The following TMEM86B variants were observed in gnomAD, a reference collection of about 807,000 sequenced individuals.
TMEM86B encodes lysoplasmalogenase TMEM86B.
In TMEM86B, 15 loss-of-function variants were observed where a neutral mutation model predicts 12.3. The ratio of observed to expected loss-of-function variants is 1.22; its 90% CI spans 0.81 to 1.87. The LOEUF (loss-of-function observed/expected upper bound fraction) is 1.87. Ranked by LOEUF, TMEM86B falls within the 40% of genes most tolerant of loss-of-function variation. The pLI, the probability that TMEM86B is intolerant of heterozygous loss-of-function variation, is 0.00. For synonymous variants in TMEM86B, 173 were observed against 140.3 expected, an observed-to-expected ratio of 1.23 and a Z score of -1.65; for missense variants, 328 against 297.4, an observed-to-expected ratio of 1.10 and a Z score of -0.76.
intron 2 of TMEM86B, 46 bp from the exon 3 acceptor site, chr19:55,227,609 G>A (rs1490124520): frequency 6.8e-7 from 1 of 1,481,178 alleles, no homozygotes; most frequent in South Asian, 1.4e-5. Flanking sequence ...CCCATCCTGG[G>A]AATGGCCCCG....
intron 1 of TMEM86B, 56 bp downstream of exon 1, chr19:55,228,635 C>A: frequency 6.3e-7 from 1 of 1,583,598 alleles, no homozygotes. Context: ...CCGCCGGCTG[C>A]TGGGGTTCCA....
intron 2 of TMEM86B, 119 bp downstream of exon 2, chr19:55,228,072 C>T (rs746855127): frequency 2.8e-6 from 4 of 1,444,214 alleles, no homozygotes; most frequent in Middle Eastern, 2.6e-4. Context: ...GCTGCGCCCC[C>T]CACTGTGCCT....
intron 2 of TMEM86B, chr19:55,227,890 C>T (rs1041208746): frequency 2.0e-5 from 12 of 601,962 alleles, no homozygotes; most frequent in Non-Finnish European, 3.2e-5. Flanking sequence ...CACAGGCATA[C>T]AGCCCTTCAG....
rs1423006652 is a variant in TMEM86B at position 55,227,487 on chromosome 19, C to T, written c.375G>A (p.Leu125=). Residue 125 remains leucine (L), a synonymous_variant, in exon 3 of 3, where the codon CTG becomes CTA. Coordinates refer to ENST00000327042, the MANE Select transcript of TMEM86B (RefSeq NM_173804.5). Reference sequence around the variant, plus strand: ...GGCCAGGGGCCAGGATGATGAGCAGCAGCAGGCCGGGCTGCAGGGGAGAGA... The same window carrying T: ...GGCCAGGGGCCAGGATGATGAGCAGTAGCAGGCCGGGCTGCAGGGGAGAGA... ...FGFSPLQPGL[L]LLIILAPGPY... 2 of 1,552,616 alleles carry T rather than the reference C, an allele frequency of 1.3e-6. No individual in the cohort carries two copies. Among genetic ancestry groups the T allele is most frequent in the East Asian group, 4.9e-5 (2 of 41,210 alleles).
chr19:55,228,523 C>G (rs531872515), intron 1 of TMEM86B, 86 bp from the exon 2 acceptor site: 41 of 1,563,990 alleles, frequency 2.6e-5, no homozygotes, highest in East Asian at 7.0e-5. Flanking sequence ...GTCCCACCCC[C>G]ACCTGGGACC....
At position 55,227,494 on chromosome 19, in the gene TMEM86B, C is replaced by G. The variant is rs1413800426; in HGVS notation, c.368G>C (p.Gly123Ala). 6.4e-7 allele frequency: 1 copy of G among 1,551,670 alleles called. No homozygotes were observed. Among genetic ancestry groups the G allele is most frequent in the Non-Finnish European group, 8.7e-7 (1 of 1,147,228 alleles). The change falls in exon 3 of 3, where the codon GGC (glycine) becomes GCC (alanine). Residue 123 changes from glycine to alanine, a missense_variant. Transcript: ENST00000327042. ...WAFGFSPLQP[G>A]LLLLIILAPG... is the part of the protein sequence containing the mutation. Reference sequence around the variant, plus strand: ...GGCCAGGATGATGAGCAGCAGCAGGCCGGGCTGCAGGGGAGAGAAGCCGAA... The same window carrying G: ...GGCCAGGATGATGAGCAGCAGCAGGGCGGGCTGCAGGGGAGAGAAGCCGAA...
At chr19:55,228,514 T>A in intron 1 of TMEM86B, 77 bp from the exon 2 acceptor site, 2 of 1,576,346 alleles carry the variant, frequency 1.3e-6, no homozygotes, top group Non-Finnish European at 8.6e-7. Context: ...ATGGCTCCTG[T>A]CCCACCCCCA....
Position 55,227,228 on chromosome 19 carries a change from G to A in TMEM86B, c.634C>T (p.Leu212Phe), listed in dbSNP as rs765607678. 10 of 1,571,650 alleles carry A rather than the reference G, an allele frequency of 6.4e-6. No individual in the cohort carries two copies. The highest frequency in any genetic ancestry group is 2.3e-5 in the East Asian group (1 of 44,084). Residue 212 changes from leucine (L) to phenylalanine (F), a missense_variant, in exon 3 of 3, where the codon CTC becomes TTC. Coordinates refer to ENST00000327042, the MANE Select transcript of TMEM86B (RefSeq NM_173804.5). The part of the protein sequence containing the change: ...IMTTYYAAQL[L>F]ITLSALRSPV... ...CTCCTGAGGGCTGACAGTGTGATGA[G>A]GAGCTGGGCAGCATAGTAGGTGGTC...
chr19:55,227,067 G>C lies in TMEM86B; in HGVS notation c.*114C>G. The C allele has an allele frequency of 8.2e-7, 1 of 1,213,440 alleles. No individual in the cohort carries two copies. Among genetic ancestry groups the C allele is most frequent in the Non-Finnish European group, 1.1e-6 (1 of 933,270 alleles). 75.2% of individuals were successfully genotyped at this position (1,213,440 alleles called of 1,614,324 possible). A position where few individuals can be genotyped will look rare whatever the true frequency, so the allele number is the denominator to read the frequency against. On this transcript the variant is annotated 3_prime_UTR_variant, in exon 3 of 3. Coordinates refer to ENST00000327042, the MANE Select transcript of TMEM86B (RefSeq NM_173804.5). ...AGCGACGGCGGCAGCGGCGCCTGCAGACAGGCGTCAGGAAGCTTCGCTGCT... is the reference window on the plus strand; with the variant it reads ...AGCGACGGCGGCAGCGGCGCCTGCACACAGGCGTCAGGAAGCTTCGCTGCT...
chr19:55,228,093 G>C, intron 2 of TMEM86B, 98 bp downstream of exon 2: 1 of 1,474,316 alleles, frequency 6.8e-7, no homozygotes, highest in Non-Finnish European at 8.9e-7. Flanking sequence ...TTGACCACTG[G>C]AGCTCTCACA....
rs2087287868 is a variant in TMEM86B, at chr19:55,227,064, G to A, written c.*117C>T. ...AGAAGCGACGGCGGCAGCGGCGCCT[G>A]CAGACAGGCGTCAGGAAGCTTCGCT... is the stretch of plus-strand genomic sequence containing the variant. On this transcript the variant is annotated 3_prime_UTR_variant, in exon 3 of 3. Coordinates refer to ENST00000327042, the MANE Select transcript of TMEM86B (RefSeq NM_173804.5). 1.7e-5 allele frequency: 21 copies of A among 1,216,760 alleles called. No homozygotes were observed. In the Middle Eastern group the frequency reaches 9.1e-4, roughly 53 times the overall value. 75.4% of individuals were successfully genotyped at this position (1,216,760 alleles called of 1,614,324 possible).
chr19:55,228,599 C>G (rs2087308340), intron 1 of TMEM86B, 92 bp downstream of exon 1: 7 of 1,534,338 alleles, frequency 4.6e-6, no homozygotes, highest in Non-Finnish European at 6.2e-6. Context: ...AGGGCCCAAC[C>G]AACTCAAGGA....
chr19:55,227,319 G>C lies in TMEM86B; in HGVS notation c.543C>G (p.Leu181=), dbSNP rs754893392. 1 of 1,609,008 alleles carries C rather than the reference G, an allele frequency of 6.2e-7. No individual in the cohort carries two copies. The highest frequency in any genetic ancestry group is 1.1e-5 in the South Asian group (1 of 90,656). The stretch of plus-strand genomic sequence containing the variant: ...TGTCCCAGGCCAGCACGCCATCAGA[G>C]AGCGTGAAGAGCAGCGCGCCCCAGC... ...SAGWGALLFT[L]SDGVLAWDTF... The change falls in exon 3 of 3, where the codon CTC becomes CTG. Residue 181 remains leucine, a synonymous_variant. Transcript: ENST00000327042.
rs2087305860 is a variant in TMEM86B, at chr19:55,228,420, C to T, written c.69G>A (p.Arg23=). The change falls in exon 2 of 3, where the codon AGG becomes AGA. Residue 23 remains arginine, a synonymous_variant. Transcript: ENST00000327042. ...HCSAQRPDVC[R]WLSPFILSCC... ...AGGAGAGGATGAAGGGGCTCAGCCA[C>T]CTGCAGACATCTGGGCGCTTTGGGG... 1.2e-6 allele frequency: 2 copies of T among 1,612,800 alleles called. No individual in the cohort carries two copies.
rs921824092 is a variant in TMEM86B, at chr19:55,227,555, C to T, written c.307G>A (p.Ala103Thr). ...TAGAGGAGGTGGGCGGTGGCAAAGG[C>T]GGCCATGCCTGGCGGGAGAGGGGTG... is the stretch of plus-strand genomic sequence containing the variant. ...WPAAFVPGMAAFATAHLLYVW... is the reference protein window; with the variant it reads ...WPAAFVPGMATFATAHLLYVW... The change falls in exon 3 of 3, where the codon GCC becomes ACC. Residue 103 changes from alanine to threonine, a missense_variant. Coordinates refer to ENST00000327042, the MANE Select transcript of TMEM86B (RefSeq NM_173804.5). The T allele has an allele frequency of 3.0e-5, 46 of 1,528,014 alleles. No individual in the cohort carries two copies. In the African/African-American group the frequency reaches 3.9e-4, roughly 13 times the overall value. The allele number at this position is 1,528,014 out of a possible 1,614,324, so 94.7% of individuals were successfully genotyped here.
chr19:55,227,858 C>A (rs1381448659), intron 2 of TMEM86B: 1 of 590,926 alleles, frequency 1.7e-6, no homozygotes, highest in East Asian at 2.9e-5. Flanking sequence ...GCCCCGGAGC[C>A]TTTACACTCG....
Position 55,228,322 on chromosome 19 carries a change from G to C in TMEM86B, c.167C>G (p.Pro56Arg), listed in dbSNP as rs369160495. 5.0e-6 allele frequency: 8 copies of C among 1,613,712 alleles called. No individual in the cohort carries two copies. The highest frequency in any genetic ancestry group is 1.6e-4 in the Middle Eastern group (1 of 6,082). ...SWFAALVKCLPVLCLAGFLWV... is the reference protein window; with the variant it reads ...SWFAALVKCLRVLCLAGFLWV... ...CAGGAACCCAGCCAGGCAGAGGACG[G>C]GCAGGCACTTGACCAGGGCAGCGAA... Residue 56 changes from proline to arginine, a missense_variant, in exon 2 of 3, where the codon CCC becomes CGC. By Grantham distance (103) the Pro-to-Arg change is moderately radical. Transcript: ENST00000327042.
chr19:55,227,369 C>G lies in TMEM86B; in HGVS notation c.493G>C (p.Gly165Arg), dbSNP rs575694082. ...GLILMAMLWR[G>R]LAQGGSAGWG... is the part of the protein sequence containing the mutation. ...CCGGCACTCCCGCCCTGGGCCAGGCCGCGCCACAGCATGGCCATCAGGATC... is the reference window on the plus strand; with the variant it reads ...CCGGCACTCCCGCCCTGGGCCAGGCGGCGCCACAGCATGGCCATCAGGATC... The change falls in exon 3 of 3, where the codon GGC becomes CGC. Residue 165 changes from glycine (G) to arginine (R), a missense_variant. By Grantham distance (125) the Gly-to-Arg change is moderately radical. Coordinates refer to ENST00000327042, the MANE Select transcript of TMEM86B (RefSeq NM_173804.5). 6.3e-7 allele frequency: 1 copy of G among 1,599,964 alleles called. No individual in the cohort carries two copies. Among genetic ancestry groups the G allele is most frequent in the South Asian group, 1.1e-5 (1 of 89,266 alleles).
rs116962300 is a variant in TMEM86B at position 55,227,850 on chromosome 19, C to A, written c.299-287G>T. ...CTACAAGCACCTGACACGTCCCTGC[C>A]CCGGAGCCTTTACACTCGCCCTTCC... On this transcript the variant is annotated intron_variant, in intron 2 of 2. Transcript: ENST00000327042. The A allele has an allele frequency of 3.5e-4, 209 of 591,712 alleles. No individual in the cohort carries two copies. The East Asian group carries it at 5.1e-3, about 14-fold the overall frequency. The allele number at this position is 591,712 out of a possible 1,614,324, so 36.7% of individuals were successfully genotyped here.
Sources: allele counts gnomAD v4.1 joint callset, GRCh38; gene constraint gnomAD v4.1.1; transcripts MANE v1.5; gene names NCBI Gene and HGNC (gene_info 2026-07-23, HGNC 2026-07-21).